The following RAB20 variants were observed in gnomAD, a reference collection of about 807,000 sequenced individuals.
RAB20 encodes the protein RAB20, member RAS oncogene family, also known as ras-related protein Rab-20.
RAB20 carries 2 observed loss-of-function variants against 3.7 expected under a neutral mutation model. That is an observed-to-expected ratio of 0.54 (90% CI 0.22 to 1.69). The LOEUF is 1.69. RAB20 is among the 40% of genes most tolerant of loss of function. The probability of loss-of-function intolerance (pLI) is 0.19; values close to 1 mark genes in which losing one functional copy is unlikely to be tolerated. For synonymous variants in RAB20, 126 were observed against 130.8 expected (o/e 0.96, Z 0.25); for missense variants, 276 against 311.9 (o/e 0.88, Z 0.87).
chr13:110,550,205 C>G (rs1884928770), intron 1 of RAB20, among the ~76,000 whole-genome samples: 1 of 152,146 alleles, frequency 6.6e-6, no homozygotes, highest in Non-Finnish European at 1.5e-5. Flanking sequence ...CTGTGGCACC[C>G]CAACTCCATG....
At chr13:110,538,056 A>G (rs891153346) in intron 1 of RAB20, among the ~76,000 whole-genome samples, 7 of 152,168 alleles carry the variant, frequency 4.6e-5, no homozygotes, top group African/African-American at 1.7e-4. Context: ...TCTGGGCAAC[A>G]TGGCAAAACC....
At chr13:110,538,140 G>A (rs1161837522) in intron 1 of RAB20, among the ~76,000 whole-genome samples, 1 of 151,600 alleles carries the variant, frequency 6.6e-6, no homozygotes, top group East Asian at 1.9e-4. Context: ...TTGGGAGGCT[G>A]AGGCAGGAGG....
rs528044550 is a variant in RAB20 at position 110,557,905 on chromosome 13, C to A, written c.172+3443G>T. ...GGGGACCAGGTCTGTGCTGGGCACACCAGCCGCTTTCTCATCAGCCTGTCG... is the reference window on the plus strand; with the variant it reads ...GGGGACCAGGTCTGTGCTGGGCACAACAGCCGCTTTCTCATCAGCCTGTCG... On this transcript the variant is annotated intron_variant, in intron 1 of 1. Coordinates refer to ENST00000267328, the MANE Select transcript of RAB20 (RefSeq NM_017817.3). Among the ~76,000 whole-genome samples the A allele has an allele frequency of 2.7e-4, 41 of 152,392 alleles. No individual in the cohort carries two copies. The South Asian group carries it at 8.3e-3, about 31-fold the overall frequency.
intron 1 of RAB20, among the ~76,000 whole-genome samples, chr13:110,551,970 C>A (rs1884961291): frequency 6.7e-6 from 1 of 149,986 alleles, no homozygotes. Flanking sequence ...TGCTGTAGTC[C>A]CAGCTGAGAG....
chr13:110,525,369 C>T (rs910771545), intron 1 of RAB20, among the ~76,000 whole-genome samples: 2 of 152,312 alleles, frequency 1.3e-5, no homozygotes, highest in South Asian at 2.1e-4. Context: ...CAAATCAACC[C>T]GGGTCAGAAT....
intron 1 of RAB20, among the ~76,000 whole-genome samples, chr13:110,525,971 A>G (rs376275): frequency 0.72 from 108,833 of 152,184 alleles, 39,031 homozygotes; most frequent in Middle Eastern, 0.73. Flanking sequence ...GAGATCTTCC[A>G]ACCACAAAGC....
intron 1 of RAB20, among the ~76,000 whole-genome samples, chr13:110,533,809 G>A (rs1884590848): frequency 6.6e-6 from 1 of 152,220 alleles, no homozygotes; most frequent in South Asian, 2.1e-4. Context: ...AGTAAGGAAG[G>A]CCCACAAGAG....
chr13:110,530,649 G>T (rs9515243), intron 1 of RAB20, among the ~76,000 whole-genome samples: 4,531 of 22,680 alleles, frequency 0.2, 770 homozygotes, highest in Admixed American at 0.3. Flanking sequence ...GGTCCCACCC[G>T]CCCCACCTCT....
intron 1 of RAB20, among the ~76,000 whole-genome samples, chr13:110,542,996 G>A (rs1317917823): frequency 6.6e-6 from 1 of 152,156 alleles, no homozygotes; most frequent in African/African-American, 2.4e-5. Context: ...TAACAGGTGC[G>A]ACCTGACAGC....
chr13:110,526,239 T>C (rs1469962457), intron 1 of RAB20, among the ~76,000 whole-genome samples: 1 of 152,236 alleles, frequency 6.6e-6, no homozygotes, highest in Admixed American at 6.5e-5. Context: ...CAAGGTCAAG[T>C]GCCTCTGAAC....
chr13:110,531,390 T>A (rs1241187021), intron 1 of RAB20, among the ~76,000 whole-genome samples: 1 of 152,208 alleles, frequency 6.6e-6, no homozygotes, highest in East Asian at 1.9e-4. Flanking sequence ...CAGAGAACTA[T>A]CCTGGAAGTG....
intron 1 of RAB20, among the ~76,000 whole-genome samples, chr13:110,537,328 C>T (rs933469901): frequency 6.6e-6 from 1 of 151,796 alleles, no homozygotes; most frequent in African/African-American, 2.4e-5. Context: ...GTTTTTACAT[C>T]AACCTAATGC....
intron 1 of RAB20, among the ~76,000 whole-genome samples, chr13:110,534,971 C>T (rs1235784386): frequency 2.0e-5 from 3 of 151,688 alleles, no homozygotes; most frequent in Admixed American, 1.3e-4. Context: ...GCAGGTGGGA[C>T]TACAGGTGTG....
intron 1 of RAB20, among the ~76,000 whole-genome samples, chr13:110,550,683 C>T (rs919597996): frequency 6.6e-6 from 1 of 152,092 alleles, no homozygotes; most frequent in South Asian, 2.1e-4. Flanking sequence ...AACACATTCC[C>T]GAGGTATCTA....
At chr13:110,537,470 G>T (rs1401010734) in intron 1 of RAB20, among the ~76,000 whole-genome samples, 1 of 151,922 alleles carries the variant, frequency 6.6e-6, no homozygotes, top group South Asian at 2.1e-4. Context: ...AAAGAAAAAC[G>T]AATGATTTGT....
Position 110,559,805 on chromosome 13 carries a change from G to C in RAB20, c.172+1543C>G, listed in dbSNP as rs145007285. ...GAAGAAGCAAGAGGCCAGTGGAAAC[G>C]AAACTGCTGCTTCATTCCCTCCGAT... On this transcript the variant is annotated intron_variant, in intron 1 of 1. Coordinates refer to ENST00000267328, the MANE Select transcript of RAB20 (RefSeq NM_017817.3). Among the ~76,000 whole-genome samples, 78 of 152,310 alleles carry C rather than the reference G, an allele frequency of 5.1e-4. No homozygotes were observed. The East Asian group carries it at 9.1e-3, about 18-fold the overall frequency.
chr13:110,535,192 T>G (rs1017610616), intron 1 of RAB20, among the ~76,000 whole-genome samples: 8 of 152,158 alleles, frequency 5.3e-5, no homozygotes, highest in African/African-American at 1.9e-4. Flanking sequence ...AATTCAGAAT[T>G]CTTCCTCATT....
chr13:110,554,797 G>C (rs2139590472), intron 1 of RAB20, among the ~76,000 whole-genome samples: 1 of 152,324 alleles, frequency 6.6e-6, no homozygotes, highest in Admixed American at 6.5e-5. Context: ...GCACCTCTGA[G>C]GCCAGAGAGG....
At chr13:110,556,979 A>G (rs1203796069) in intron 1 of RAB20, among the ~76,000 whole-genome samples, 2 of 152,242 alleles carry the variant, frequency 1.3e-5, no homozygotes, top group African/African-American at 4.8e-5. Context: ...TCTGAGGATC[A>G]TGAGAGGGCA....
Sources: allele counts gnomAD v4.1 joint callset (sites outside exome capture counted in the v4.1 genomes callset), GRCh38; gene constraint gnomAD v4.1.1; transcripts MANE v1.5; gene names NCBI Gene and HGNC (gene_info 2026-07-23, HGNC 2026-07-21).